Variants in PSD3 observed in about 807,000 individuals in gnomAD.
PSD3 encodes pleckstrin and Sec7 domain containing 3.
PSD3 carries 49 observed loss-of-function variants against 105.5 expected under a neutral mutation model. The observed-to-expected ratio is 0.46, with a 90% CI of 0.37 to 0.59. The LOEUF is 0.59. PSD3 is among the 20% of genes least tolerant of loss of function. PSD3 has a pLI of 0.00. For synonymous variants in PSD3, 557 were observed against 457.8 expected (o/e 1.22, Z -2.77); for missense variants, 1,561 against 1,263.8 (o/e 1.24, Z -3.57).
chr8:18,929,253 A>T lies in PSD3; in HGVS notation c.130+6781T>A, dbSNP rs1015284542. Among the ~76,000 whole-genome samples, 8 of 40,258 alleles carry T rather than the reference A, an allele frequency of 2.0e-4. No individual in the cohort carries two copies. In the South Asian group the frequency reaches 0.014, roughly 69 times the overall value. 26.4% of individuals were successfully genotyped at this position (40,258 alleles called of 152,430 possible). On this transcript the variant is annotated intron_variant, in intron 2 of 15. Transcript: ENST00000327040. Reference sequence around the variant, plus strand: ...AAGAAAATAAATTCACAACAGTGCTAAAAAAAAAAAGAGTATAACCATAGA... The same window carrying T: ...AAGAAAATAAATTCACAACAGTGCTTAAAAAAAAAAGAGTATAACCATAGA...
intron 1 of PSD3, among the ~76,000 whole-genome samples, chr8:18,978,901 G>A (rs1037009936): frequency 6.6e-6 from 1 of 151,698 alleles, no homozygotes; most frequent in Non-Finnish European, 1.5e-5. Flanking sequence ...CTACACTAAG[G>A]CCAGCAAGAA....
chr8:18,977,535 T>C (rs555358670), intron 1 of PSD3, among the ~76,000 whole-genome samples: 1 of 152,298 alleles, frequency 6.6e-6, no homozygotes, highest in Non-Finnish European at 1.5e-5. Context: ...TAATGGGCCT[T>C]TTTATTTTCT....
intron 12 of PSD3, among the ~76,000 whole-genome samples, chr8:18,594,073 T>C (rs1317398918): frequency 5.8e-5 from 8 of 138,430 alleles, no homozygotes; most frequent in Non-Finnish European, 1.5e-5. Flanking sequence ...TGTATACATA[T>C]ATAACAAACC....
chr8:18,707,562 T>C (rs1476921301), intron 9 of PSD3, among the ~76,000 whole-genome samples: 1 of 152,154 alleles, frequency 6.6e-6, no homozygotes, highest in African/African-American at 2.4e-5. Context: ...AAACAAAAAG[T>C]GCAAGACTAT....
At chr8:18,627,754 A>C (rs73213628) in intron 11 of PSD3, among the ~76,000 whole-genome samples, 4,621 of 151,920 alleles carry the variant, frequency 0.03, 103 homozygotes, top group Non-Finnish European at 0.039. Context: ...CACCTGAAAA[A>C]TGGAAAATTC....
At chr8:18,743,994 A>G (rs982069310) in intron 9 of PSD3, among the ~76,000 whole-genome samples, 1 of 103,208 alleles carries the variant, frequency 9.7e-6, no homozygotes, top group African/African-American at 3.3e-5. Context: ...CACCACCACC[A>G]CCACCCAGAA....
chr8:18,636,917 T>C lies in PSD3; in HGVS notation c.2217-4111A>G, dbSNP rs374606283. On this transcript the variant is annotated intron_variant, in intron 10 of 15. Transcript: ENST00000327040. Reference sequence around the variant, plus strand: ...AGTGATGTATGACTGTATATATAAGTACACTCACGTGTATACACACATCTA... The same window carrying C: ...AGTGATGTATGACTGTATATATAAGCACACTCACGTGTATACACACATCTA... 1.2e-3 allele frequency among the ~76,000 whole-genome samples: 181 copies of C among 152,326 alleles called. 3 individuals carry two copies. The South Asian group carries it at 0.036, about 31-fold the overall frequency.
intron 9 of PSD3, among the ~76,000 whole-genome samples, chr8:18,741,949 C>A (rs1804614260): frequency 6.6e-6 from 1 of 151,938 alleles, no homozygotes; most frequent in South Asian, 2.1e-4. Flanking sequence ...AGCTGGTCAA[C>A]CAGTAATGTA....
intron 1 of PSD3, among the ~76,000 whole-genome samples, chr8:19,037,048 C>T (rs1158688889): frequency 6.6e-6 from 1 of 152,232 alleles, no homozygotes. Context: ...TCCTTGGGAT[C>T]ATCCCATGTG....
chr8:18,895,772 AC>A (rs1226587036), intron 2 of PSD3, among the ~76,000 whole-genome samples: 6 of 152,194 alleles, frequency 3.9e-5, no homozygotes, highest in Non-Finnish European at 8.8e-5. Context: ...CATATCTAAC[AC>A]CTTAAACATT....
intron 9 of PSD3, among the ~76,000 whole-genome samples, chr8:18,699,650 G>A (rs559909338): frequency 6.6e-6 from 1 of 152,224 alleles, no homozygotes; most frequent in East Asian, 1.9e-4. Flanking sequence ...AAAATTTCAG[G>A]TAGCGTAAAG....
At chr8:18,945,458 G>A (rs962044870) in intron 1 of PSD3, among the ~76,000 whole-genome samples, 1 of 152,176 alleles carries the variant, frequency 6.6e-6, no homozygotes. Context: ...TCTAGAAATG[G>A]CAAAGAAACA....
chr8:18,726,471 C>T, intron 9 of PSD3, among the ~76,000 whole-genome samples: 1 of 152,200 alleles, frequency 6.6e-6, no homozygotes, highest in East Asian at 1.9e-4. Context: ...TGATTATAAT[C>T]ATTACGTTAT....
At chr8:18,949,934 T>C (rs1328199983) in intron 1 of PSD3, among the ~76,000 whole-genome samples, 1 of 152,214 alleles carries the variant, frequency 6.6e-6, no homozygotes, top group Non-Finnish European at 1.5e-5. Flanking sequence ...ATATGGGTGC[T>C]TAATACTCCT....
At chr8:18,838,275 A>C (rs937188208) in intron 4 of PSD3, among the ~76,000 whole-genome samples, 5 of 152,206 alleles carry the variant, frequency 3.3e-5, no homozygotes, top group Admixed American at 6.5e-5. Context: ...AGAAACATTA[A>C]GTACGAAAAA....
At chr8:18,549,708 A>G (rs950880708) in intron 15 of PSD3, among the ~76,000 whole-genome samples, 10 of 152,238 alleles carry the variant, frequency 6.6e-5, no homozygotes, top group African/African-American at 2.4e-4. Flanking sequence ...TGTAGCTGCT[A>G]GAAAATTTAA....
At chr8:18,826,024 C>A (rs965909795) in intron 4 of PSD3, among the ~76,000 whole-genome samples, 2 of 152,054 alleles carry the variant, frequency 1.3e-5, no homozygotes, top group African/African-American at 4.8e-5. Flanking sequence ...AGCGGATGGC[C>A]CTCCCCAATG....
intron 2 of PSD3, among the ~76,000 whole-genome samples, chr8:18,916,378 A>AAACACAC (rs1820608048): frequency 1.2e-5 from 1 of 84,072 alleles, no homozygotes; most frequent in African/African-American, 4.6e-5. Context: ...ACACACACAC[A>AAACACAC]AACAGAATAC....
intron 14 of PSD3, among the ~76,000 whole-genome samples, chr8:18,562,174 T>C (rs145048076): frequency 1.3e-5 from 2 of 152,214 alleles, no homozygotes; most frequent in Middle Eastern, 3.4e-3. Flanking sequence ...GTGCTGGGAA[T>C]AAGAAGAGGG....
Sources: allele counts gnomAD v4.1 joint callset (sites outside exome capture counted in the v4.1 genomes callset), GRCh38; gene constraint gnomAD v4.1.1; transcripts MANE v1.5; gene names NCBI Gene and HGNC (gene_info 2026-07-23, HGNC 2026-07-21).